WSCD2: variants seen among roughly 807,000 people sequenced by gnomAD.
WSCD2 encodes WSC domain sialate O sulfotransferase 2.
Under a neutral mutation model 55.7 loss-of-function variants are expected in WSCD2, and 28 were observed. That is an observed-to-expected ratio of 0.50 (90% CI 0.37 to 0.69). The LOEUF (loss-of-function observed/expected upper bound fraction) is 0.69. Ranked by LOEUF, WSCD2 falls within the 30% of genes least tolerant of loss-of-function variation. The probability of loss-of-function intolerance (pLI) is 0.00; values close to 1 mark genes in which losing one functional copy is unlikely to be tolerated. For synonymous variants in WSCD2, 301 were observed against 301.9 expected, an observed-to-expected ratio of 1.00 and a Z score of 0.03; for missense variants, 616 against 762.1, an observed-to-expected ratio of 0.81 and a Z score of 2.26.
chr12:108,190,175 G>T (rs542123055), intron 1 of WSCD2, among the ~76,000 whole-genome samples: 24 of 152,332 alleles, frequency 1.6e-4, no homozygotes, highest in African/African-American at 5.8e-4. Context: ...ATGGGAATAA[G>T]ATGACTGGCA....
intron 1 of WSCD2, among the ~76,000 whole-genome samples, chr12:108,142,143 T>G (rs903161580): frequency 6.6e-6 from 1 of 152,242 alleles, no homozygotes; most frequent in Non-Finnish European, 1.5e-5. Flanking sequence ...TAGAACATTT[T>G]TATTTTTTTA....
At chr12:108,168,158 A>G (rs538293773) in intron 1 of WSCD2, among the ~76,000 whole-genome samples, 61 of 152,282 alleles carry the variant, frequency 4.0e-4, no homozygotes, top group African/African-American at 1.4e-3. Flanking sequence ...TTGACTCGGC[A>G]CTAATTTTGC....
chr12:108,209,685 A>C (rs1885868522), intron 3 of WSCD2, among the ~76,000 whole-genome samples: 1 of 151,658 alleles, frequency 6.6e-6, no homozygotes. Context: ...ACGCTGCCCC[A>C]CTGCAAGGCC....
intron 1 of WSCD2, among the ~76,000 whole-genome samples, chr12:108,152,352 G>A (rs1303321794): frequency 4.6e-5 from 7 of 152,160 alleles, no homozygotes; most frequent in African/African-American, 1.7e-4. Context: ...AGGGTGGGAG[G>A]CCAGGAGAAC....
Position 108,250,267 on chromosome 12 carries a change from G to C in WSCD2, c.*1924G>C. 6.6e-6 allele frequency: 1 copy of C among 152,172 alleles called. No individual in the cohort carries two copies. Among genetic ancestry groups the C allele is most frequent in the Non-Finnish European group, 1.5e-5 (1 of 68,134 alleles). 9.4% of individuals were successfully genotyped at this position (152,172 alleles called of 1,614,324 possible). A position where few individuals can be genotyped will look rare whatever the true frequency, so the allele number is the denominator to read the frequency against. On this transcript the variant is annotated 3_prime_UTR_variant, in exon 9 of 9. Transcript: ENST00000547525. ...AGAGGCATAGAGAGACAGAGAGAGA[G>C]ACAAGAAACAGAGATAGACAGAAAA...
chr12:108,182,277 T>C (rs1315070330), intron 1 of WSCD2, among the ~76,000 whole-genome samples: 2 of 152,218 alleles, frequency 1.3e-5, no homozygotes, highest in Non-Finnish European at 2.9e-5. Context: ...AATTTAGAGA[T>C]GACTTGAAAT....
intron 4 of WSCD2, among the ~76,000 whole-genome samples, chr12:108,222,964 G>T (rs1365326757): frequency 1.3e-5 from 2 of 152,220 alleles, no homozygotes; most frequent in African/African-American, 2.4e-5. Flanking sequence ...TTACGCAATT[G>T]CGGGAGCTGG....
intron 1 of WSCD2, among the ~76,000 whole-genome samples, chr12:108,166,987 T>C (rs1312345763): frequency 6.6e-6 from 1 of 151,800 alleles, no homozygotes; most frequent in African/African-American, 2.4e-5. Context: ...AATTTTTGTA[T>C]TTTTAGTAGA....
intron 6 of WSCD2, among the ~76,000 whole-genome samples, chr12:108,228,686 T>TG (rs1289095443): frequency 6.6e-6 from 1 of 152,078 alleles, no homozygotes; most frequent in African/African-American, 2.4e-5. Context: ...GAGGAAGGAG[T>TG]GGGCACCTTT....
chr12:108,210,095 C>A lies in WSCD2; in HGVS notation c.498-26C>A. Reference sequence around the variant, plus strand: ...CTCGGGGTCTCCATGGTGGCAGCTACCCTGCTTGACAGCAGCCTCCCCCAG... The same window carrying A: ...CTCGGGGTCTCCATGGTGGCAGCTAACCTGCTTGACAGCAGCCTCCCCCAG... On this transcript the variant is annotated intron_variant, in intron 3 of 8. Transcript: ENST00000547525. This position sits in a 1 kb window ranked among gnomAD's most constrained non-coding sequence, Gnocchi z 4.3. 6.2e-7 allele frequency: 1 copy of A among 1,613,930 alleles called. No individual in the cohort carries two copies. Among genetic ancestry groups the A allele is most frequent in the Non-Finnish European group, 8.5e-7 (1 of 1,179,948 alleles).
chr12:108,198,565 T>C (rs369868051), intron 2 of WSCD2, among the ~76,000 whole-genome samples: 6 of 152,220 alleles, frequency 3.9e-5, no homozygotes, highest in Non-Finnish European at 8.8e-5. Flanking sequence ...TGTTGTGAGA[T>C]TGAAATACTG....
At chr12:108,240,651 T>G (rs1270774533) in intron 8 of WSCD2, 107 bp downstream of exon 8, 2 of 1,297,392 alleles carry the variant, frequency 1.5e-6, no homozygotes, top group African/African-American at 2.9e-5. Flanking sequence ...AGGCAATGCC[T>G]CATGCGAGGA....
chr12:108,164,197 G>A (rs1407128136), intron 1 of WSCD2, among the ~76,000 whole-genome samples: 1 of 123,154 alleles, frequency 8.1e-6, no homozygotes, highest in African/African-American at 3.0e-5. Flanking sequence ...TCCTACAATG[G>A]TATACCTTAC....
intron 4 of WSCD2, among the ~76,000 whole-genome samples, chr12:108,211,608 A>G (rs992259485): frequency 2.7e-5 from 4 of 146,096 alleles, no homozygotes; most frequent in African/African-American, 1.0e-4. Flanking sequence ...TTGCTTGAAA[A>G]TGTGTCCAGT....
At chr12:108,229,837 C>T (rs540681407) in intron 6 of WSCD2, among the ~76,000 whole-genome samples, 5 of 150,866 alleles carry the variant, frequency 3.3e-5, no homozygotes, top group East Asian at 2.0e-4. Context: ...CTGCCCCACC[C>T]GACCTATCAA....
chr12:108,218,663 G>A (rs556951502), intron 4 of WSCD2, among the ~76,000 whole-genome samples: 9 of 152,314 alleles, frequency 5.9e-5, no homozygotes, highest in Admixed American at 5.9e-4. Context: ...GCTCTTAGAG[G>A]ATGCAAGGGT....
chr12:108,213,564 C>T (rs776737865), intron 4 of WSCD2, among the ~76,000 whole-genome samples: 4 of 151,894 alleles, frequency 2.6e-5, no homozygotes, highest in African/African-American at 4.8e-5. Context: ...GGGGGCAGCT[C>T]GATAAAGGAG....
rs1269556485 is a variant in WSCD2, at chr12:108,248,072, T to C, written c.1427T>C (p.Leu476Pro). 1 of 1,614,084 alleles carries C rather than the reference T, an allele frequency of 6.2e-7. No homozygotes were observed. The highest frequency in any genetic ancestry group is 8.5e-7 in the Non-Finnish European group (1 of 1,180,044). Reference sequence around the variant, plus strand: ...TGGCTCAAGTTTGGCAAGAAGGTGCTGGTGGTGCACTTTGAGGACCTGAAG... The same window carrying C: ...TGGCTCAAGTTTGGCAAGAAGGTGCCGGTGGTGCACTTTGAGGACCTGAAG... ...LDWLKFGKKVLVVHFEDLKQD... is the reference protein window; with the variant it reads ...LDWLKFGKKVPVVHFEDLKQD... The change falls in exon 9 of 9, where the codon CTG becomes CCG. Residue 476 changes from leucine (L) to proline (P), a missense_variant. By Grantham distance (98) the Leu-to-Pro change is moderately conservative (BLOSUM62 -3). Coordinates refer to ENST00000547525, the MANE Select transcript of WSCD2 (RefSeq NM_014653.4). This position sits in a 1 kb window ranked among gnomAD's most constrained non-coding sequence, Gnocchi z 4.3.
At chr12:108,242,834 A>G (rs972882229) in intron 8 of WSCD2, among the ~76,000 whole-genome samples, 2 of 152,100 alleles carry the variant, frequency 1.3e-5, no homozygotes, top group African/African-American at 4.8e-5. Flanking sequence ...CTAAACCAAT[A>G]CTAAGGAAAG....
Sources: gnomAD v4.1 joint callset for allele counts (sites outside exome capture counted in the v4.1 genomes callset) on GRCh38, gnomAD v4.1.1 for gene constraint, Gnocchi (gnomAD v3.1) non-coding constraint, MANE v1.5 for transcripts, NCBI Gene and HGNC (gene_info 2026-07-23, HGNC 2026-07-21) for gene names.